COL14A1: variants seen among roughly 807,000 people sequenced by gnomAD.
COL14A1 encodes the protein collagen type XIV alpha 1 chain, also known as collagen alpha-1(XIV) chain.
In COL14A1, 136 loss-of-function variants were observed where a neutral mutation model predicts 230.3. The ratio of observed to expected loss-of-function variants is 0.59; its 90% CI spans 0.51 to 0.68. The LOEUF (loss-of-function observed/expected upper bound fraction) is 0.68. Ranked by LOEUF, COL14A1 falls within the 30% of genes least tolerant of loss-of-function variation. COL14A1 has a pLI of 0.00. For missense variants in COL14A1, 1,976 were observed against 2,215.8 expected (o/e 0.89, Z 2.17); for synonymous variants, 792 against 784.1 (o/e 1.01, Z -0.17).
At chr8:120,353,550 A>G (rs1822851675) in intron 45 of COL14A1, among the ~76,000 whole-genome samples, 1 of 150,790 alleles carries the variant, frequency 6.6e-6, no homozygotes, top group Non-Finnish European at 1.5e-5. Flanking sequence ...ACAAGAAAAA[A>G]ACAAACCACC....
At chr8:120,230,774 T>A (rs147112078) in intron 18 of COL14A1, among the ~76,000 whole-genome samples, 134 of 151,858 alleles carry the variant, frequency 8.8e-4, no homozygotes, top group African/African-American at 3.0e-3. Context: ...AATTAATAGA[T>A]GAATGAAGAG....
chr8:120,341,387 G>C (rs779992783), intron 43 of COL14A1, 27 bp downstream of exon 43: 1 of 1,613,446 alleles, frequency 6.2e-7, no homozygotes, highest in Non-Finnish European at 8.5e-7. Context: ...TCTGCTTTCT[G>C]GCCCCAGCTT....
chr8:120,286,027 AT>A, intron 33 of COL14A1, 57 bp downstream of exon 33: 1 of 1,022,954 alleles, frequency 9.8e-7, no homozygotes, highest in African/African-American at 1.6e-5. Context: ...GAACAAAGCC[AT>A]TTAAAAACAA....
intron 7 of COL14A1, 114 bp downstream of exon 7, chr8:120,198,044 A>C: frequency 2.8e-6 from 3 of 1,059,750 alleles, no homozygotes; most frequent in South Asian, 3.2e-5. Context: ...ACTAGCACTT[A>C]GGATTCTTTG....
At chr8:120,283,989 A>G (rs1249480728) in intron 32 of COL14A1, among the ~76,000 whole-genome samples, 2 of 152,218 alleles carry the variant, frequency 1.3e-5, no homozygotes, top group Non-Finnish European at 2.9e-5. Flanking sequence ...TTGTGCCAAC[A>G]CTAAGCCTGG....
chr8:120,299,597 A>G (rs1820649346), intron 35 of COL14A1, among the ~76,000 whole-genome samples: 2 of 152,052 alleles, frequency 1.3e-5, no homozygotes, highest in African/African-American at 4.8e-5. Flanking sequence ...CAAAACTATC[A>G]CTGAGTCTCT....
chr8:120,359,880 C>G (rs1411077341), intron 45 of COL14A1, among the ~76,000 whole-genome samples: 1 of 152,170 alleles, frequency 6.6e-6, no homozygotes, highest in African/African-American at 2.4e-5. Flanking sequence ...CTCTCTCTCT[C>G]TCTCCGCCCT....
intron 1 of COL14A1, among the ~76,000 whole-genome samples, chr8:120,131,838 CTTTTTTTTT>C (rs1172286717): frequency 1.2e-4 from 8 of 68,982 alleles, no homozygotes; most frequent in Non-Finnish European, 2.1e-4. Flanking sequence ...TTCTTCCTTT[CTTTTTTTTT>C]TTTTTTTTTT....
chr8:120,128,242 T>C (rs1180909975), intron 1 of COL14A1, among the ~76,000 whole-genome samples: 44 of 149,894 alleles, frequency 2.9e-4, no homozygotes, highest in African/African-American at 8.8e-4. Context: ...TGTGTGTGTG[T>C]GTGTGTGTGT....
chr8:120,191,790 A>C (rs201832785), intron 5 of COL14A1, among the ~76,000 whole-genome samples: 226 of 151,954 alleles, frequency 1.5e-3, no homozygotes, highest in African/African-American at 4.9e-3. Context: ...ATCCCTTTAC[A>C]ATTATGTAAT....
chr8:120,171,386 T>G (rs1391698802), intron 5 of COL14A1, among the ~76,000 whole-genome samples: 2 of 152,200 alleles, frequency 1.3e-5, no homozygotes, highest in African/African-American at 4.8e-5. Flanking sequence ...ATCTTGCATC[T>G]CAGACCTTCT....
chr8:120,325,586 G>C (rs1046206719), intron 40 of COL14A1, among the ~76,000 whole-genome samples: 1 of 152,090 alleles, frequency 6.6e-6, no homozygotes, highest in African/African-American at 2.4e-5. Flanking sequence ...TCCACCTCCT[G>C]GGTTCAAGCG....
chr8:120,365,387 T>C (rs940949898), intron 45 of COL14A1, among the ~76,000 whole-genome samples: 2 of 152,200 alleles, frequency 1.3e-5, no homozygotes, highest in Non-Finnish European at 2.9e-5. Flanking sequence ...TATTTTATTA[T>C]GTTCTAGTTC....
chr8:120,364,368 T>C (rs1823330064), intron 45 of COL14A1, among the ~76,000 whole-genome samples: 1 of 152,192 alleles, frequency 6.6e-6, no homozygotes, highest in Admixed American at 6.5e-5. Context: ...GATCTATTTT[T>C]AGAGATCTGA....
intron 26 of COL14A1, among the ~76,000 whole-genome samples, chr8:120,271,616 G>A (rs1342091746): frequency 6.6e-6 from 1 of 151,644 alleles, no homozygotes; most frequent in Non-Finnish European, 1.5e-5. Context: ...TCTGAGAATA[G>A]AATTTCCAGA....
At chr8:120,133,358 G>A (rs1486106545) in intron 1 of COL14A1, among the ~76,000 whole-genome samples, 2 of 151,374 alleles carry the variant, frequency 1.3e-5, no homozygotes, top group Admixed American at 1.3e-4. Context: ...AAAAAGAAAA[G>A]CTACAGATTA....
chr8:120,286,749 T>C (rs1374700341), intron 33 of COL14A1, among the ~76,000 whole-genome samples: 3 of 152,176 alleles, frequency 2.0e-5, no homozygotes, highest in African/African-American at 7.2e-5. Context: ...GACCTCGTGA[T>C]CCACCTGCCT....
chr8:120,354,736 A>C (rs1332536576), intron 45 of COL14A1, among the ~76,000 whole-genome samples: 1 of 152,218 alleles, frequency 6.6e-6, no homozygotes, highest in Non-Finnish European at 1.5e-5. Context: ...TAAGGGATCC[A>C]GTGGCTAATG....
intron 4 of COL14A1, among the ~76,000 whole-genome samples, chr8:120,166,959 G>A (rs980185665): frequency 6.7e-6 from 1 of 150,182 alleles, no homozygotes; most frequent in East Asian, 1.9e-4. Flanking sequence ...GCTCCAAAGT[G>A]CCAATGCTTA....
Sources: allele counts gnomAD v4.1 joint callset (sites outside exome capture counted in the v4.1 genomes callset), GRCh38; gene constraint gnomAD v4.1.1; transcripts MANE v1.5; gene names NCBI Gene and HGNC (gene_info 2026-07-23, HGNC 2026-07-21).